The following UBE2E2 variants were observed in gnomAD, a reference collection of about 807,000 sequenced individuals.
UBE2E2 encodes the protein ubiquitin-conjugating enzyme E2 E2.
UBE2E2 carries 6 observed loss-of-function variants against 24.7 expected under a neutral mutation model. The observed-to-expected ratio is 0.24, with a 90% CI of 0.13 to 0.48. The LOEUF (loss-of-function observed/expected upper bound fraction) is 0.48. Among genes scored for constraint, UBE2E2 ranks in the 20% least tolerant of loss-of-function variants. The pLI, the probability that UBE2E2 is intolerant of heterozygous loss-of-function variation, is 0.99. For synonymous variants in UBE2E2, 104 were observed against 83.6 expected, an observed-to-expected ratio of 1.24 and a Z score of -1.33; for missense variants, 169 against 245.0, an observed-to-expected ratio of 0.69 and a Z score of 2.07.
rs1249561762 is a variant in UBE2E2 at position 23,307,591 on chromosome 3, A to G, written c.227+90279A>G. ...TTTAAATGAAAGCATCTAGACAGTA[A>G]TTGAAACCATGAGTTGAGTTCAGCA... On this transcript the variant is annotated intron_variant, in intron 3 of 5. Transcript: ENST00000396703. 2.0e-5 allele frequency among the ~76,000 whole-genome samples: 3 copies of G among 152,302 alleles called. No homozygotes were observed. The East Asian group carries it at 5.8e-4, about 29-fold the overall frequency.
intron 3 of UBE2E2, among the ~76,000 whole-genome samples, chr3:23,468,422 A>G (rs1275687366): frequency 6.6e-6 from 1 of 152,260 alleles, no homozygotes; most frequent in African/African-American, 2.4e-5. Flanking sequence ...AACAAAAAAG[A>G]TGTTAAATCA....
chr3:23,377,945 A>T (rs1696562795), intron 3 of UBE2E2, among the ~76,000 whole-genome samples: 1 of 152,148 alleles, frequency 6.6e-6, no homozygotes, highest in South Asian at 2.1e-4. Flanking sequence ...AAATGACTAG[A>T]TATTATATAA....
chr3:23,228,885 C>T (rs985411047), intron 3 of UBE2E2, among the ~76,000 whole-genome samples: 2 of 152,166 alleles, frequency 1.3e-5, no homozygotes, highest in African/African-American at 4.8e-5. Context: ...ACACTTTCGC[C>T]TATTTGGAAG....
chr3:23,480,333 C>G (rs1378539210), intron 3 of UBE2E2, among the ~76,000 whole-genome samples: 2 of 152,204 alleles, frequency 1.3e-5, no homozygotes, highest in Non-Finnish European at 2.9e-5. Flanking sequence ...TGGGAGAGGC[C>G]AGGGAGTGGG....
rs1056586330 is a variant in UBE2E2 at position 23,360,852 on chromosome 3, A to T, written c.228-138756A>T. ...TAAATAAATGGGACCTAATTAAACT[A>T]AAAAGCTTCTGCACACCAAAAGAAA... On this transcript the variant is annotated intron_variant, in intron 3 of 5. Coordinates refer to ENST00000396703, the MANE Select transcript of UBE2E2 (RefSeq NM_152653.4). Among the ~76,000 whole-genome samples the T allele has an allele frequency of 2.6e-5, 4 of 152,266 alleles. No individual in the cohort carries two copies. The South Asian group carries it at 8.3e-4, about 32-fold the overall frequency.
At chr3:23,475,433 C>T (rs1195519223) in intron 3 of UBE2E2, among the ~76,000 whole-genome samples, 1 of 152,072 alleles carries the variant, frequency 6.6e-6, no homozygotes, top group East Asian at 1.9e-4. Context: ...TCTTTCCATG[C>T]TCCTGTCATT....
At chr3:23,232,795 G>A (rs1239538994) in intron 3 of UBE2E2, among the ~76,000 whole-genome samples, 2 of 152,102 alleles carry the variant, frequency 1.3e-5, no homozygotes, top group African/African-American at 2.4e-5. Flanking sequence ...TAAAAACTTC[G>A]TCCAATCCTA....
At chr3:23,549,464 G>A (rs753841088) in intron 5 of UBE2E2, among the ~76,000 whole-genome samples, 5 of 152,200 alleles carry the variant, frequency 3.3e-5, no homozygotes, top group African/African-American at 4.8e-5. Flanking sequence ...AAGGACCTAA[G>A]TTATACTGAG....
At chr3:23,222,710 G>C (rs1258392220) in intron 3 of UBE2E2, among the ~76,000 whole-genome samples, 2 of 152,082 alleles carry the variant, frequency 1.3e-5, no homozygotes, top group Non-Finnish European at 2.9e-5. Flanking sequence ...CGTGAAAATG[G>C]ACTAATATAT....
At chr3:23,536,526 C>T (rs1000743384) in intron 5 of UBE2E2, among the ~76,000 whole-genome samples, 1 of 152,090 alleles carries the variant, frequency 6.6e-6, no homozygotes, top group Non-Finnish European at 1.5e-5. Context: ...TTAAAATTTT[C>T]CCCCAAATAT....
intron 5 of UBE2E2, among the ~76,000 whole-genome samples, chr3:23,552,750 G>A (rs577830833): frequency 8.7e-4 from 133 of 152,268 alleles, no homozygotes; most frequent in African/African-American, 2.9e-3. Flanking sequence ...GTTGCCACAT[G>A]AATGCAAGTA....
chr3:23,495,089 T>C (rs1559402257), intron 3 of UBE2E2, among the ~76,000 whole-genome samples: 1 of 152,222 alleles, frequency 6.6e-6, no homozygotes, highest in Non-Finnish European at 1.5e-5. Flanking sequence ...CCAGTCTGTT[T>C]TCAAGATAAT....
intron 3 of UBE2E2, among the ~76,000 whole-genome samples, chr3:23,374,595 G>A (rs1311598731): frequency 6.6e-6 from 1 of 152,046 alleles, no homozygotes; most frequent in Non-Finnish European, 1.5e-5. Flanking sequence ...TGTTAATATT[G>A]GCTCTAAATT....
At chr3:23,389,590 C>A in intron 3 of UBE2E2, 1 of 253,340 alleles carries the variant, frequency 3.9e-6, no homozygotes. Flanking sequence ...CTTTAGCTCT[C>A]ATCTTCAAGT....
chr3:23,359,561 T>G (rs1448456294), intron 3 of UBE2E2, among the ~76,000 whole-genome samples: 3 of 152,218 alleles, frequency 2.0e-5, no homozygotes, highest in Admixed American at 1.3e-4. Flanking sequence ...GGTAGCATAT[T>G]TGAAATGATC....
At chr3:23,580,566 T>G (rs548657218) in intron 5 of UBE2E2, among the ~76,000 whole-genome samples, 7 of 152,384 alleles carry the variant, frequency 4.6e-5, no homozygotes, top group African/African-American at 1.7e-4. Flanking sequence ...CTCACTTTAT[T>G]GTGACATTCA....
At chr3:23,572,676 G>A (rs148844267) in intron 5 of UBE2E2, among the ~76,000 whole-genome samples, 3 of 152,262 alleles carry the variant, frequency 2.0e-5, no homozygotes, top group Non-Finnish European at 4.4e-5. Flanking sequence ...TAGGATAGTG[G>A]CCTTCAGCTG....
At chr3:23,348,347 C>CAAAAAAAAAAAAAAAAAAAAAAA (rs35038477) in intron 3 of UBE2E2, among the ~76,000 whole-genome samples, 2 of 121,954 alleles carry the variant, frequency 1.6e-5, no homozygotes, top group South Asian at 2.8e-4. Context: ...GTGCTGCTTT[C>CAAAAAAAAAAAAAAAAAAAAAAA]AAAAAAAAAA....
At chr3:23,550,731 G>A (rs1175599771) in intron 5 of UBE2E2, among the ~76,000 whole-genome samples, 2 of 152,132 alleles carry the variant, frequency 1.3e-5, no homozygotes, top group African/African-American at 4.8e-5. Flanking sequence ...CCAGCTTACT[G>A]CCTAGAAGCA....
Sources: allele counts gnomAD v4.1 joint callset (sites outside exome capture counted in the v4.1 genomes callset), GRCh38; gene constraint gnomAD v4.1.1; transcripts MANE v1.5; gene names NCBI Gene and HGNC (gene_info 2026-07-23, HGNC 2026-07-21).